The following TEX264 variants were observed in gnomAD, a reference collection of about 807,000 sequenced individuals.
TEX264 encodes the protein testis expressed 264, ER-phagy receptor, also known as testis-expressed protein 264.
A neutral mutation model predicts 23.4 loss-of-function variants in TEX264; 13 were observed. That is an observed-to-expected ratio of 0.56 (90% CI 0.36 to 0.88). TEX264 has a LOEUF of 0.88. Among genes scored for constraint, TEX264 ranks in the 40% least tolerant of loss-of-function variants. TEX264 has a pLI of 0.01. For missense variants in TEX264, 340 were observed against 406.8 expected (o/e 0.84, Z 1.41); for synonymous variants, 159 against 170.0 (o/e 0.94, Z 0.50).
At chr3:51,687,866 A>G (rs73080642) in intron 3 of TEX264, among the ~76,000 whole-genome samples, 6,680 of 152,314 alleles carry the variant, frequency 0.044, 235 homozygotes, top group Non-Finnish European at 0.065. Flanking sequence ...CGAGAGGCCC[A>G]AGGAGAAGCA....
At position 51,686,126 on chromosome 3, in the gene TEX264, G is replaced by A. The variant is rs1329149318; in HGVS notation, c.480+1492G>A. ...TGTGGAGTCAGCAATGGTATGTGTGGCCTGGAGTTGAGGAAAGGCTGGGCT... is the reference window on the plus strand; with the variant it reads ...TGTGGAGTCAGCAATGGTATGTGTGACCTGGAGTTGAGGAAAGGCTGGGCT... On this transcript the variant is annotated intron_variant, in intron 3 of 4. Transcript: ENST00000341333. The surrounding 1 kb of genome is among the most constrained non-coding windows in gnomAD (Gnocchi z 4.1). 2.0e-5 allele frequency among the ~76,000 whole-genome samples: 3 copies of A among 152,190 alleles called. No individual in the cohort carries two copies. The highest frequency in any genetic ancestry group is 6.5e-5 in the Admixed American group (1 of 15,282).
intron 3 of TEX264, among the ~76,000 whole-genome samples, chr3:51,687,113 T>C (rs1189732795): frequency 2.0e-5 from 3 of 152,090 alleles, no homozygotes; most frequent in South Asian, 4.1e-4. Context: ...GCCAGTGATA[T>C]GGGGGAGAGC....
intron 3 of TEX264, among the ~76,000 whole-genome samples, chr3:51,690,933 C>T (rs1011979469): frequency 9.2e-5 from 14 of 152,336 alleles, no homozygotes; most frequent in African/African-American, 2.4e-4. Context: ...AGGATCGTTC[C>T]GATGGCTATA....
chr3:51,683,403 G>T (rs1702501129), intron 2 of TEX264: 1 of 152,198 alleles, frequency 6.6e-6, no homozygotes, highest in African/African-American at 2.4e-5. Context: ...CATTCATTCA[G>T]TCCTAGGAAG....
chr3:51,703,688 T>G lies in TEX264; in HGVS notation c.650-36T>G. On this transcript the variant is annotated intron_variant, in intron 4 of 4. Transcript: ENST00000341333. This position sits in a 1 kb window ranked among gnomAD's most constrained non-coding sequence, Gnocchi z 4.8. Reference sequence around the variant, plus strand: ...CTCCCTGGAGGAGGGGGTGGGGTGGTCCTAGCTAACCTGTGCTCCCTTTTC... The same window carrying G: ...CTCCCTGGAGGAGGGGGTGGGGTGGGCCTAGCTAACCTGTGCTCCCTTTTC... 3 of 1,540,358 alleles carry G rather than the reference T, an allele frequency of 1.9e-6. No individual in the cohort carries two copies. The highest frequency in any genetic ancestry group is 1.9e-5 in the Admixed American group (1 of 53,880).
At chr3:51,701,818 G>T (rs1361179936) in intron 4 of TEX264, among the ~76,000 whole-genome samples, 2 of 152,170 alleles carry the variant, frequency 1.3e-5, no homozygotes, top group East Asian at 3.9e-4. Flanking sequence ...TTTTAGTAGA[G>T]ATGGGGTTTT....
Position 51,703,992 on chromosome 3 carries a change from T to C in TEX264, c.918T>C (p.Thr306=). The change falls in exon 5 of 5, where the codon ACT becomes ACC. Residue 306 remains threonine, a synonymous_variant. Coordinates refer to ENST00000341333, the MANE Select transcript of TEX264 (RefSeq NM_015926.6). The surrounding 1 kb of genome is among the most constrained non-coding windows in gnomAD (Gnocchi z 4.8). ...LGTTKWLWEP[T]APEKGKE ...CTACCAAGTGGCTCTGGGAGCCCAC[T>C]GCCCCTGAGAAGGGCAAGGAGTAAC... is the stretch of plus-strand genomic sequence containing the variant. 1 of 1,542,702 alleles carries C rather than the reference T, an allele frequency of 6.5e-7. No individual in the cohort carries two copies. The highest frequency in any genetic ancestry group is 8.8e-7 in the Non-Finnish European group (1 of 1,142,336).
intron 4 of TEX264, among the ~76,000 whole-genome samples, chr3:51,701,924 G>A (rs1703319964): frequency 6.6e-6 from 1 of 152,204 alleles, no homozygotes; most frequent in Admixed American, 6.5e-5. Flanking sequence ...GAGCCACCGT[G>A]CCTGGCCTCC....
intron 3 of TEX264, among the ~76,000 whole-genome samples, chr3:51,696,420 A>G (rs894340825): frequency 2.6e-5 from 4 of 152,126 alleles, no homozygotes; most frequent in South Asian, 2.1e-4. Context: ...TGATTTTCCA[A>G]TATTTACTGG....
In TEX264 at chr3:51,703,748, G is replaced by A. The variant is rs1471674584; in HGVS notation, c.674G>A (p.Ser225Asn). ...GGAGCTGACACAATGAGTGACACGA[G>A]TTCTGTAAGCTTGGAAGTGAGCCCT... ...GTGADTMSDTSSVSLEVSPGS... is the reference protein window; with the variant it reads ...GTGADTMSDTNSVSLEVSPGS... The change falls in exon 5 of 5, where the codon AGT becomes AAT. Residue 225 changes from serine to asparagine, a missense_variant. Transcript: ENST00000341333. The surrounding 1 kb of genome is among the most constrained non-coding windows in gnomAD (Gnocchi z 4.8). The A allele has an allele frequency of 6.3e-7, 1 of 1,595,672 alleles. No individual in the cohort carries two copies.
chr3:51,689,885 T>A (rs758786309), intron 3 of TEX264, among the ~76,000 whole-genome samples: 10 of 152,148 alleles, frequency 6.6e-5, no homozygotes, highest in African/African-American at 9.7e-5. Context: ...TGTGACTGAT[T>A]GGAAGCTGGA....
chr3:51,672,800 G>A (rs1430986045), intron 1 of TEX264, among the ~76,000 whole-genome samples: 1 of 152,220 alleles, frequency 6.6e-6, no homozygotes, highest in Non-Finnish European at 1.5e-5. Context: ...ATTGCTTTGA[G>A]GGTGAATGAA....
Position 51,674,491 on chromosome 3 carries a change from C to T in TEX264, c.187C>T (p.Leu63Phe), listed in dbSNP as rs1234156170. 1 of 1,614,204 alleles carries T rather than the reference C, an allele frequency of 6.2e-7. No homozygotes were observed. The highest frequency in any genetic ancestry group is 2.2e-5 in the East Asian group (1 of 44,886). ...GGGGCTCTATGGTGAGACTGGGCGG[C>T]TTTTCACTGAGAGCTGCAGCATCTC... ...HMGLYGETGR[L>F]FTESCSISPK... Residue 63 changes from leucine to phenylalanine, a missense_variant, in exon 2 of 5, where the codon CTT (leucine) becomes TTT (phenylalanine). Physicochemically the swap from Leu to Phe is conservative, Grantham distance 22 (BLOSUM62 0). Transcript: ENST00000341333.
intron 2 of TEX264, among the ~76,000 whole-genome samples, chr3:51,679,093 G>T (rs570840796): frequency 2.0e-5 from 3 of 152,316 alleles, no homozygotes; most frequent in Admixed American, 6.5e-5. Flanking sequence ...GACGAGGTGT[G>T]AGAGGAAGGG....
chr3:51,672,310 C>T (rs1702075836), intron 1 of TEX264: 1 of 152,202 alleles, frequency 6.6e-6, no homozygotes, highest in South Asian at 2.1e-4. Context: ...AGGTGAGCTC[C>T]CAGACCTTCT....
At chr3:51,681,818 AGT>A (rs1467459205) in intron 2 of TEX264, 1 of 152,158 alleles carries the variant, frequency 6.6e-6, no homozygotes, top group Non-Finnish European at 1.5e-5. Context: ...GTGCAAGGTG[AGT>A]GTGTGGGCAA....
At chr3:51,673,972 C>T (rs772580453) in intron 1 of TEX264, among the ~76,000 whole-genome samples, 1 of 152,194 alleles carries the variant, frequency 6.6e-6, no homozygotes, top group Non-Finnish European at 1.5e-5. Flanking sequence ...GGCTGAATCA[C>T]TCCTGTGCCC....
intron 2 of TEX264, among the ~76,000 whole-genome samples, chr3:51,677,650 C>T (rs1265958906): frequency 1.3e-5 from 2 of 152,204 alleles, no homozygotes; most frequent in Admixed American, 1.3e-4. Context: ...GTCCTGTCCT[C>T]AGCTGGGCAG....
chr3:51,687,518 C>T (rs768197674), intron 3 of TEX264, among the ~76,000 whole-genome samples: 9 of 152,196 alleles, frequency 5.9e-5, no homozygotes, highest in Non-Finnish European at 8.8e-5. Context: ...CTTCTAGCAC[C>T]GACAGCTTTT....
Sources: gnomAD v4.1 joint callset for allele counts (sites outside exome capture counted in the v4.1 genomes callset) on GRCh38, gnomAD v4.1.1 for gene constraint, Gnocchi (gnomAD v3.1) non-coding constraint, MANE v1.5 for transcripts, NCBI Gene and HGNC (gene_info 2026-07-23, HGNC 2026-07-21) for gene names.